The following ING3 variants were observed in gnomAD, a reference collection of about 807,000 sequenced individuals.
ING3 encodes inhibitor of growth protein 3.
In ING3, 6 loss-of-function variants were observed where a neutral mutation model predicts 64.8. That is an observed-to-expected ratio of 0.09 (90% CI 0.05 to 0.18). The LOEUF (loss-of-function observed/expected upper bound fraction) is 0.18, where lower values mean the gene tolerates loss of function less well. Ranked by LOEUF, ING3 falls within the 10% of genes least tolerant of loss-of-function variation. The probability of loss-of-function intolerance (pLI) is 1.00; values close to 1 mark genes in which losing one functional copy is unlikely to be tolerated. For missense variants in ING3, 310 were observed against 489.7 expected (o/e 0.63, Z 3.46); for synonymous variants, 170 against 173.7 (o/e 0.98, Z 0.17).
At chr7:120,955,273 C>T (rs895600213) in intron 3 of ING3, among the ~76,000 whole-genome samples, 6 of 152,068 alleles carry the variant, frequency 3.9e-5, no homozygotes, top group Non-Finnish European at 8.8e-5. Context: ...GGATTACAGG[C>T]GCCCACTACC....
chr7:120,960,850 C>A (rs914359535), intron 4 of ING3, among the ~76,000 whole-genome samples: 1 of 152,154 alleles, frequency 6.6e-6, no homozygotes, highest in Non-Finnish European at 1.5e-5. Flanking sequence ...ATTTGTGTTT[C>A]TCAGCCAGAT....
Position 120,955,774 on chromosome 7 carries a change from T to G in ING3, c.267+150T>G, listed in dbSNP as rs1245119793. ...ATCTAATTTGACATTTCAGTGTCCA[T>G]TTTATGGTTTCTTTGTGGAAAAGTC... is the stretch of plus-strand genomic sequence containing the variant. On this transcript the variant is annotated intron_variant, in intron 4 of 11. Coordinates refer to ENST00000315870, the MANE Select transcript of ING3 (RefSeq NM_019071.3). The G allele has an allele frequency of 4.8e-6, 3 of 621,196 alleles. No individual in the cohort carries two copies. The African/African-American group carries it at 5.6e-5, about 12-fold the overall frequency. 38.5% of individuals were successfully genotyped at this position (621,196 alleles called of 1,614,324 possible).
At chr7:120,965,520 A>C (rs1340831040) in intron 5 of ING3, among the ~76,000 whole-genome samples, 1 of 152,246 alleles carries the variant, frequency 6.6e-6, no homozygotes, top group Non-Finnish European at 1.5e-5. Flanking sequence ...CTAGGTGTAG[A>C]GTAGGCACTC....
At chr7:120,954,930 A>T (rs1795824040) in intron 3 of ING3, among the ~76,000 whole-genome samples, 1 of 152,188 alleles carries the variant, frequency 6.6e-6, no homozygotes, top group Non-Finnish European at 1.5e-5. Flanking sequence ...GTACTTTACA[A>T]GTTAGATCAA....
chr7:120,972,439 A>G (rs2116692150), intron 10 of ING3, among the ~76,000 whole-genome samples: 1 of 152,334 alleles, frequency 6.6e-6, no homozygotes, highest in East Asian at 1.9e-4. Context: ...ATAGAAAAGC[A>G]TATCCTGTAT....
At position 120,969,130 on chromosome 7, in the gene ING3, T is replaced by C. The variant is rs766605352; in HGVS notation, c.834T>C (p.Ser278=). 6.2e-7 allele frequency: 1 copy of C among 1,614,146 alleles called. No individual in the cohort carries two copies. Among genetic ancestry groups the C allele is most frequent in the Non-Finnish European group, 8.5e-7 (1 of 1,180,000 alleles). ...MARETVGYSS[S]SALMTTLTQN... ...GGGAAACAGTTGGCTATTCATCATC[T>C]TCGGCACTTATGACAACATTAACAC... The change falls in exon 9 of 12, where the codon TCT becomes TCC. Residue 278 remains serine, a synonymous_variant. Coordinates refer to ENST00000315870, the MANE Select transcript of ING3 (RefSeq NM_019071.3).
rs114253383 is a variant in ING3 at position 120,966,853 on chromosome 7, G to T, written c.436+156G>T. 5.2e-3 allele frequency among the ~76,000 whole-genome samples: 794 copies of T among 151,862 alleles called. 11 individuals are homozygous for T. Among genetic ancestry groups the T allele is most frequent in the African/African-American group, 0.018 (752 of 41,412 alleles). ...ACTGGCAGACTTGTCTTTTTCCTTGGGGGGAGCATATGTGATTCGGAAATG... is the reference window on the plus strand; with the variant it reads ...ACTGGCAGACTTGTCTTTTTCCTTGTGGGGAGCATATGTGATTCGGAAATG... On this transcript the variant is annotated intron_variant, in intron 6 of 11. Transcript: ENST00000315870.
intron 2 of ING3, 29 bp from the exon 3 acceptor site, chr7:120,953,275 T>G (rs761686202): frequency 1.5e-6 from 2 of 1,377,610 alleles, no homozygotes; most frequent in Non-Finnish European, 2.0e-6. Flanking sequence ...TTTGGTCATT[T>G]AATATGAATT....
Position 120,969,063 on chromosome 7 carries a change from A to G in ING3, c.767A>G (p.Lys256Arg), listed in dbSNP as rs748565699. The change falls in exon 9 of 12, where the codon AAG (lysine) becomes AGG (arginine). Residue 256 changes from lysine (K) to arginine (R), a missense_variant. Physicochemically the swap from Lys to Arg is conservative, Grantham distance 26. Coordinates refer to ENST00000315870, the MANE Select transcript of ING3 (RefSeq NM_019071.3). ...TTAAAAGCCAGTTATGAAGCATTTA[A>G]GAATAATGACTTTCAGTTGGGAAAA... ...SSLKASYEAFKNNDFQLGKEF... is the reference protein window; with the variant it reads ...SSLKASYEAFRNNDFQLGKEF... 1.2e-6 allele frequency: 2 copies of G among 1,614,038 alleles called. No homozygotes were observed. The highest frequency in any genetic ancestry group is 2.2e-5 in the East Asian group (1 of 44,848).
chr7:120,964,992 G>A (rs1159995177), intron 5 of ING3, among the ~76,000 whole-genome samples, 154 bp downstream of exon 5: 4 of 152,076 alleles, frequency 2.6e-5, no homozygotes, highest in African/African-American at 9.7e-5. Flanking sequence ...GGAAATGTTT[G>A]GGTCATGCAT....
chr7:120,962,110 C>G (rs1795940572), intron 4 of ING3, among the ~76,000 whole-genome samples: 1 of 152,168 alleles, frequency 6.6e-6, no homozygotes, highest in South Asian at 2.1e-4. Context: ...GGCAAGTTCA[C>G]AGCTCTTATT....
At chr7:120,967,389 C>T (rs1796009954) in intron 6 of ING3, 140 bp from the exon 7 acceptor site, 2 of 511,296 alleles carry the variant, frequency 3.9e-6, no homozygotes, top group African/African-American at 2.0e-5. Flanking sequence ...GCTTGTCCTG[C>T]CTTCTGAGGA....
chr7:120,966,644 C>T lies in ING3; in HGVS notation c.383C>T (p.Thr128Ile), dbSNP rs1459514654. The T allele has an allele frequency of 1.2e-6, 2 of 1,613,280 alleles. No homozygotes were observed. Among genetic ancestry groups the T allele is most frequent in the Non-Finnish European group, 1.7e-6 (2 of 1,179,208 alleles). Residue 128 changes from threonine to isoleucine, a missense_variant, in exon 6 of 12, where the codon ACT becomes ATT. By Grantham distance (89) the Thr-to-Ile change is moderately conservative (BLOSUM62 -1). Transcript: ENST00000315870. Reference sequence around the variant, plus strand: ...CTTTTAGGATCTTTGGAATTAGACACTCCTTCACAGCCAGTGAACAATCAC... The same window carrying T: ...CTTTTAGGATCTTTGGAATTAGACATTCCTTCACAGCCAGTGAACAATCAC... ...ILERRSLELD[T>I]PSQPVNNHHA...
chr7:120,962,288 T>A (rs1159898318), intron 4 of ING3, among the ~76,000 whole-genome samples: 3 of 152,062 alleles, frequency 2.0e-5, no homozygotes, highest in Admixed American at 6.6e-5. Context: ...CAGGTCATAA[T>A]CTCTTTTACA....
rs147530888 is a variant in ING3, at chr7:120,966,902, C to T, written c.436+205C>T. ...TGAGTATTCTGTTTTCTCTTAAATGCGTAGAAGGAGAATGTATAGTACTAA... is the reference window on the plus strand; with the variant it reads ...TGAGTATTCTGTTTTCTCTTAAATGTGTAGAAGGAGAATGTATAGTACTAA... On this transcript the variant is annotated intron_variant, in intron 6 of 11. Transcript: ENST00000315870. Among the ~76,000 whole-genome samples the T allele has an allele frequency of 6.2e-3, 935 of 151,988 alleles. 18 individuals are homozygous for T. Among genetic ancestry groups the T allele is most frequent in the African/African-American group, 0.021 (889 of 41,418 alleles).
intron 11 of ING3, 55 bp downstream of exon 11, chr7:120,973,298 T>G: frequency 8.8e-7 from 1 of 1,136,510 alleles, no homozygotes; most frequent in Non-Finnish European, 1.3e-6. Flanking sequence ...TTGTTATTAC[T>G]TGAATATTTG....
At chr7:120,961,398 G>A (rs1239988980) in intron 4 of ING3, among the ~76,000 whole-genome samples, 1 of 152,110 alleles carries the variant, frequency 6.6e-6, no homozygotes, top group African/African-American at 2.4e-5. Flanking sequence ...AACTTAGAAT[G>A]TAACAGACTT....
At chr7:120,956,816 A>C (rs931045109) in intron 4 of ING3, 1 of 971,642 alleles carries the variant, frequency 1.0e-6, no homozygotes, top group African/African-American at 1.8e-5. Context: ...GACTGTATGT[A>C]TCAGTCCTTA....
chr7:120,957,186 A>G (rs922692382), intron 4 of ING3, among the ~76,000 whole-genome samples: 4 of 152,100 alleles, frequency 2.6e-5, no homozygotes, highest in Non-Finnish European at 5.9e-5. Context: ...CCTGGCTAAC[A>G]TGGTGAAACC....
Sources: gnomAD v4.1 joint callset for allele counts (sites outside exome capture counted in the v4.1 genomes callset) on GRCh38, gnomAD v4.1.1 for gene constraint, MANE v1.5 for transcripts, NCBI Gene and HGNC (gene_info 2026-07-23, HGNC 2026-07-21) for gene names.